CEP78: variants seen among roughly 807,000 people sequenced by gnomAD.
The protein encoded by CEP78 is centrosomal protein of 78 kDa.
In CEP78, 76 loss-of-function variants were observed where a neutral mutation model predicts 81.2. The ratio of observed to expected loss-of-function variants is 0.94; its 90% CI spans 0.78 to 1.13. The LOEUF (loss-of-function observed/expected upper bound fraction) is 1.13, where lower values mean the gene tolerates loss of function less well. Among genes scored for constraint, CEP78 ranks in the 50% most tolerant of loss-of-function variants. The probability of loss-of-function intolerance (pLI) is 0.00; values close to 1 mark genes in which losing one functional copy is unlikely to be tolerated. For missense variants in CEP78, 918 were observed against 846.8 expected, an observed-to-expected ratio of 1.08 and a Z score of -1.04; for synonymous variants, 293 against 301.4, an observed-to-expected ratio of 0.97 and a Z score of 0.29.
At chr9:78,270,449 G>C (rs776145073) in intron 16 of CEP78, among the ~76,000 whole-genome samples, 34 of 152,082 alleles carry the variant, frequency 2.2e-4, no homozygotes, top group Non-Finnish European at 4.0e-4. Flanking sequence ...TTTAGAGAAA[G>C]GTACAAGTGT....
chr9:78,237,955 C>CAAAAA (rs557546978), intron 1 of CEP78, among the ~76,000 whole-genome samples: 39 of 106,070 alleles, frequency 3.7e-4, no homozygotes, highest in African/African-American at 6.9e-4. Context: ...ACTAAAAATA[C>CAAAAA]AAAAAAAAAA....
intron 4 of CEP78, among the ~76,000 whole-genome samples, chr9:78,243,256 A>T (rs1251890805): frequency 6.6e-6 from 1 of 152,228 alleles, no homozygotes; most frequent in East Asian, 1.9e-4. Context: ...TTAGGGTCAC[A>T]TAGCTAGTCA....
intron 1 of CEP78, among the ~76,000 whole-genome samples, chr9:78,238,592 C>T (rs910300945): frequency 3.3e-5 from 5 of 151,862 alleles, no homozygotes; most frequent in African/African-American, 1.2e-4. Context: ...ACAACCTGAC[C>T]ACTTGTCGTG....
In CEP78 at chr9:78,275,060, G is replaced by T. The variant is rs1335492976; in HGVS notation, c.*4209G>T. Reference sequence around the variant, plus strand: ...AAATATGATAAAGAAAAAAAAGCAAGAAGTAATTAACAAAAATTGCCAGCA... The same window carrying T: ...AAATATGATAAAGAAAAAAAAGCAATAAGTAATTAACAAAAATTGCCAGCA... On this transcript the variant is annotated 3_prime_UTR_variant, in exon 17 of 17. Transcript: ENST00000643273. 2 of 152,004 alleles carry T rather than the reference G, an allele frequency of 1.3e-5. No individual in the cohort carries two copies. Among genetic ancestry groups the T allele is most frequent in the African/African-American group, 4.8e-5 (2 of 41,406 alleles). The allele number at this position is 152,004 out of a possible 1,614,324, so 9.4% of individuals were successfully genotyped here. A position where few individuals can be genotyped will look rare whatever the true frequency, so the allele number is the denominator to read the frequency against.
rs1172601905 is a variant in CEP78 at position 78,275,069 on chromosome 9, A to T, written c.*4218A>T. 1.3e-5 allele frequency: 2 copies of T among 152,214 alleles called. No homozygotes were observed. The highest frequency in any genetic ancestry group is 2.9e-5 in the Non-Finnish European group (2 of 68,042). The allele number at this position is 152,214 out of a possible 1,614,324, so 9.4% of individuals were successfully genotyped here. On this transcript the variant is annotated 3_prime_UTR_variant, in exon 17 of 17. Coordinates refer to ENST00000643273, the MANE Select transcript of CEP78 (RefSeq NM_001330691.3). ...AAAGAAAAAAAAGCAAGAAGTAATT[A>T]ACAAAAATTGCCAGCATTAGGAATA...
In CEP78 at chr9:78,272,561, T is replaced by C. The variant is rs530286271; in HGVS notation, c.*1710T>C. ...AGAAAGTGAAAGCTTGTCCTAGATA[T>C]TGTCTTATTCATGGGAAGGATACAG... On this transcript the variant is annotated 3_prime_UTR_variant, in exon 17 of 17. Transcript: ENST00000643273. 1 of 152,314 alleles carries C rather than the reference T, an allele frequency of 6.6e-6. No homozygotes were observed. Among genetic ancestry groups the C allele is most frequent in the African/African-American group, 2.4e-5 (1 of 41,570 alleles). The allele number at this position is 152,314 out of a possible 1,614,324, so 9.4% of individuals were successfully genotyped here.
At chr9:78,241,624 C>A in intron 3 of CEP78, 72 bp from the exon 4 acceptor site, 1 of 659,478 alleles carries the variant, frequency 1.5e-6, no homozygotes, top group South Asian at 2.1e-5. Context: ...ATAAGAAGAG[C>A]AAATAAATCA....
intron 11 of CEP78, among the ~76,000 whole-genome samples, chr9:78,258,488 G>A (rs149223694): frequency 7.9e-5 from 12 of 152,298 alleles, no homozygotes; most frequent in Middle Eastern, 3.4e-3. Flanking sequence ...TTTAAGTAAT[G>A]TATATCACTA....
At chr9:78,237,568 G>A (rs546364822) in intron 1 of CEP78, among the ~76,000 whole-genome samples, 2 of 152,242 alleles carry the variant, frequency 1.3e-5, no homozygotes, top group African/African-American at 4.8e-5. Context: ...TTACAGGACT[G>A]GAATTTAGGT....
intron 15 of CEP78, 75 bp downstream of exon 15, chr9:78,265,981 C>G: frequency 2.7e-6 from 2 of 752,896 alleles, no homozygotes; most frequent in African/African-American, 1.7e-5. Context: ...TAGGCATCAT[C>G]TAGTTATGGG....
intron 12 of CEP78, among the ~76,000 whole-genome samples, chr9:78,263,462 G>GTT (rs1563996258): frequency 6.6e-6 from 1 of 152,104 alleles, no homozygotes; most frequent in Non-Finnish European, 1.5e-5. Flanking sequence ...GCATAAACTA[G>GTT]AAAGTTCTAC....
At chr9:78,259,743 T>C (rs997446592) in intron 11 of CEP78, among the ~76,000 whole-genome samples, 3 of 152,222 alleles carry the variant, frequency 2.0e-5, no homozygotes, top group African/African-American at 7.2e-5. Context: ...GTTACTGAAC[T>C]TGCCCAAGGT....
Position 78,243,629 on chromosome 9 carries a change from G to A in CEP78, c.771G>A (p.Trp257Ter). The A allele has an allele frequency of 6.2e-7, 1 of 1,611,938 alleles. No individual in the cohort carries two copies. The highest frequency in any genetic ancestry group is 8.5e-7 in the Non-Finnish European group (1 of 1,178,902). ...AFADSLSEDL[W>*]LRALDLQQCG... ...CAGACTCTCTCAGTGAGGATTTATGGCTGAGAGGTAAGTTAAATGAACTTG... is the reference window on the plus strand; with the variant it reads ...CAGACTCTCTCAGTGAGGATTTATGACTGAGAGGTAAGTTAAATGAACTTG... The change falls in exon 5 of 17, where the codon TGG becomes TGA. Residue 257 changes from tryptophan (W) to a stop codon, truncating the protein, a stop_gained. Transcript: ENST00000643273. LOFTEE classifies it high-confidence loss of function.
rs1420871129 is a variant in CEP78, at chr9:78,272,622, T to C, written c.*1771T>C. 1.3e-5 allele frequency: 2 copies of C among 152,220 alleles called. No homozygotes were observed. Among genetic ancestry groups the C allele is most frequent in the Non-Finnish European group, 2.9e-5 (2 of 68,046 alleles). 9.4% of individuals were successfully genotyped at this position (152,220 alleles called of 1,614,324 possible). A position where few individuals can be genotyped will look rare whatever the true frequency, so the allele number is the denominator to read the frequency against. On this transcript the variant is annotated 3_prime_UTR_variant, in exon 17 of 17. Coordinates refer to ENST00000643273, the MANE Select transcript of CEP78 (RefSeq NM_001330691.3). The stretch of plus-strand genomic sequence containing the variant: ...ATTCTAGGTATTGATTGAAAAAATA[T>C]ATTAAAATATATATAAAGTTAAGGG...
At chr9:78,258,015 G>A (rs534491302) in intron 11 of CEP78, among the ~76,000 whole-genome samples, 11 of 152,294 alleles carry the variant, frequency 7.2e-5, no homozygotes, top group South Asian at 2.1e-4. Flanking sequence ...TTTAATCGTA[G>A]TAATGGAAAT....
rs1408898260 is a variant in CEP78 at position 78,241,725 on chromosome 9, A to G, written c.529A>G (p.Thr177Ala). Residue 177 changes from threonine (T) to alanine (A), a missense_variant, in exon 4 of 17, where the codon ACT (threonine) becomes GCT (alanine). Physicochemically the swap from Thr to Ala is moderately conservative, Grantham distance 58. Transcript: ENST00000643273. Reference protein sequence around the residue: ...IICQGIKSSITLKTVNFTGCN... With the variant: ...IICQGIKSSIALKTVNFTGCN... ...TTGTCAAGGTATAAAGAGCTCTATC[A>G]CTCTTAAGACAGTCAACTTCACAGG... 2 of 1,602,224 alleles carry G rather than the reference A, an allele frequency of 1.2e-6. No individual in the cohort carries two copies. The highest frequency in any genetic ancestry group is 8.5e-7 in the Non-Finnish European group (1 of 1,171,708).
intron 13 of CEP78, among the ~76,000 whole-genome samples, chr9:78,265,162 T>C (rs1486915052): frequency 6.6e-6 from 1 of 152,164 alleles, no homozygotes; most frequent in Non-Finnish European, 1.5e-5. Context: ...AGACAGTGCT[T>C]AAAGGATTGG....
chr9:78,252,035 A>G lies in CEP78; in HGVS notation c.1197A>G (p.Lys399=). The change falls in exon 9 of 17, where the codon AAA becomes AAG. Residue 399 remains lysine (K), a synonymous_variant. Transcript: ENST00000643273. ...CGTGGCGTACTGCAGAACGTGCAAA[A>G]AGACACAGGTAGGGTATTTTTATTT... ...FLPWRTAERA[K]RHRGFPLIKT... is the part of the protein sequence containing the mutation. 2 of 1,590,602 alleles carry G rather than the reference A, an allele frequency of 1.3e-6. No homozygotes were observed. The highest frequency in any genetic ancestry group is 1.7e-6 in the Non-Finnish European group (2 of 1,163,222).
intron 4 of CEP78, among the ~76,000 whole-genome samples, chr9:78,243,246 T>G (rs1826314527): frequency 6.6e-6 from 1 of 152,140 alleles, no homozygotes. Flanking sequence ...TCATTAGTGG[T>G]TAGGGTCACA....
Sources: allele counts gnomAD v4.1 joint callset (sites outside exome capture counted in the v4.1 genomes callset), GRCh38; gene constraint gnomAD v4.1.1; transcripts MANE v1.5; gene names NCBI Gene and HGNC (gene_info 2026-07-23, HGNC 2026-07-21).